Variants in LONRF2 observed in about 807,000 individuals in gnomAD.
LONRF2 encodes the protein LON peptidase N-terminal domain and ring finger 2.
In LONRF2, 35 loss-of-function variants were observed where a neutral mutation model predicts 66.6. The observed-to-expected ratio is 0.53, with a 90% CI of 0.40 to 0.70. LONRF2 has a LOEUF of 0.70. Among genes scored for constraint, LONRF2 ranks in the 30% least tolerant of loss-of-function variants. LONRF2 has a pLI of 0.00. For synonymous variants in LONRF2, 417 were observed against 418.1 expected (o/e 1.00, Z 0.03); for missense variants, 902 against 1,002.1 (o/e 0.90, Z 1.35).
At chr2:100,308,687 G>A (rs1206907094) in intron 2 of LONRF2, among the ~76,000 whole-genome samples, 5 of 152,156 alleles carry the variant, frequency 3.3e-5, no homozygotes, top group Non-Finnish European at 7.4e-5. Flanking sequence ...TACACAAAAT[G>A]TTAACTCTTT....
At chr2:100,293,862 G>A (rs915264977) in intron 9 of LONRF2, among the ~76,000 whole-genome samples, 4 of 152,270 alleles carry the variant, frequency 2.6e-5, no homozygotes, top group African/African-American at 7.2e-5. Context: ...TTACAAGCGT[G>A]AGCCACCAAG....
Position 100,300,958 on chromosome 2 carries a change from C to A in LONRF2, c.922-171G>T, listed in dbSNP as rs187601806. On this transcript the variant is annotated intron_variant, in intron 3 of 11. Coordinates refer to ENST00000393437, the MANE Select transcript of LONRF2 (RefSeq NM_198461.4). The stretch of plus-strand genomic sequence containing the variant: ...ATCCAAACATTTTTGAAACCAGAGT[C>A]AATATTTTAAGTTATTTTAGCTTCC... 1.3e-3 allele frequency among the ~76,000 whole-genome samples: 191 copies of A among 152,226 alleles called. 1 individual carries two copies. The highest frequency in any genetic ancestry group is 4.5e-3 in the African/African-American group (186 of 41,544).
At position 100,321,673 on chromosome 2, in the gene LONRF2, GC is replaced by G; in HGVS notation, c.420del (p.Leu141SerfsTer14). On this transcript the variant is annotated frameshift_variant, in exon 1 of 12. Transcript: ENST00000393437. LOFTEE classifies it high-confidence loss of function. ...AGCCGCCGGCAGCGCGGGCAGCCGA[GC>G]AGGTCGCGGGGCGCGCGGGGCTCCG... is the stretch of plus-strand genomic sequence containing the variant. Reference protein sequence around the residue: ...PAPEPRAPRDLLGCPRCRRLL... With the variant: ...PAPEPRAPRDXLGCPRCRRLL... 1.5e-6 allele frequency: 2 copies of G among 1,330,370 alleles called. No individual in the cohort carries two copies. The highest frequency in any genetic ancestry group is 1.9e-5 in the South Asian group (1 of 52,804). 82.4% of individuals were successfully genotyped at this position (1,330,370 alleles called of 1,614,324 possible). A position where few individuals can be genotyped will look rare whatever the true frequency, so the allele number is the denominator to read the frequency against.
chr2:100,302,305 T>C (rs1205197201), intron 3 of LONRF2, among the ~76,000 whole-genome samples: 1 of 152,246 alleles, frequency 6.6e-6, no homozygotes, highest in African/African-American at 2.4e-5. Flanking sequence ...TCATTTTCTG[T>C]TGCTCCAGAA....
chr2:100,316,052 G>A (rs1675499009), intron 1 of LONRF2, among the ~76,000 whole-genome samples: 1 of 152,016 alleles, frequency 6.6e-6, no homozygotes, highest in African/African-American at 2.4e-5. Context: ...CGGGTGCGGT[G>A]GCTCACACCT....
At chr2:100,292,730 T>TA (rs1674986669) in intron 9 of LONRF2, among the ~76,000 whole-genome samples, 1 of 152,220 alleles carries the variant, frequency 6.6e-6, no homozygotes, top group African/African-American at 2.4e-5. Context: ...GCACCTTGTA[T>TA]AAAAAATCTT....
At chr2:100,287,142 A>G (rs1360259789) in intron 10 of LONRF2, 79 bp from the exon 11 acceptor site, 114 of 1,329,814 alleles carry the variant, frequency 8.6e-5, no homozygotes, top group Non-Finnish European at 1.1e-4. Context: ...CTGCACCTCC[A>G]CTAAGTGGAT....
intron 11 of LONRF2, among the ~76,000 whole-genome samples, 195 bp from the exon 12 acceptor site, chr2:100,284,687 C>T (rs867051474): frequency 1.2e-4 from 19 of 152,354 alleles, no homozygotes; most frequent in African/African-American, 4.3e-4. Flanking sequence ...GGTGGGGGAA[C>T]TCACAAAAGG....
chr2:100,288,308 G>A (rs1156750690), intron 10 of LONRF2, among the ~76,000 whole-genome samples: 1 of 152,194 alleles, frequency 6.6e-6, no homozygotes, highest in Admixed American at 6.5e-5. Context: ...AGTGTCCTGG[G>A]TGTGACTCCA....
intron 1 of LONRF2, among the ~76,000 whole-genome samples, chr2:100,317,949 C>T (rs1215049714): frequency 6.6e-6 from 1 of 152,162 alleles, no homozygotes; most frequent in African/African-American, 2.4e-5. Context: ...TTTGTGTGTG[C>T]ACTTGTGTCC....
chr2:100,296,711 T>A (rs1318355461), intron 7 of LONRF2, among the ~76,000 whole-genome samples: 1 of 152,184 alleles, frequency 6.6e-6, no homozygotes, highest in Non-Finnish European at 1.5e-5. Context: ...ATCATCTCAC[T>A]CACAAAACTG....
At chr2:100,304,389 G>A (rs1295307767) in intron 2 of LONRF2, among the ~76,000 whole-genome samples, 1 of 151,772 alleles carries the variant, frequency 6.6e-6, no homozygotes, top group Non-Finnish European at 1.5e-5. Flanking sequence ...TGATCCTCCT[G>A]CCTCAGCCTC....
rs115681175 is a variant in LONRF2, at chr2:100,299,759, C to T, written c.1225G>A (p.Asp409Asn). 1 of 1,614,100 alleles carries T rather than the reference C, an allele frequency of 6.2e-7. No individual in the cohort carries two copies. The highest frequency in any genetic ancestry group is 1.3e-5 in the African/African-American group (1 of 75,016). Residue 409 changes from aspartate (D) to asparagine (N), a missense_variant, in exon 5 of 12, where the codon GAT (aspartate) becomes AAT (asparagine). Physicochemically the swap from Asp to Asn is conservative, Grantham distance 23. Coordinates refer to ENST00000393437, the MANE Select transcript of LONRF2 (RefSeq NM_198461.4). ...CCAGGGGCGTTCAGGTCAGGTGCAT[C>T]CTCCACGTCATCCGGAAACTGTCTC... ...LKRQFPDDVE[D>N]APDLNAPGKI...
chr2:100,301,111 A>C (rs1675177228), intron 3 of LONRF2, among the ~76,000 whole-genome samples: 1 of 152,206 alleles, frequency 6.6e-6, no homozygotes, highest in Non-Finnish European at 1.5e-5. Context: ...GGGAGTGTAA[A>C]GGTTGCTGGG....
rs868082333 is a variant in LONRF2 at position 100,308,095 on chromosome 2, C to T, written c.798+1012G>A. Among the ~76,000 whole-genome samples, 10 of 152,180 alleles carry T rather than the reference C, an allele frequency of 6.6e-5. No individual in the cohort carries two copies. In the South Asian group the frequency reaches 1.0e-3, roughly 16 times the overall value. On this transcript the variant is annotated intron_variant, in intron 2 of 11. Coordinates refer to ENST00000393437, the MANE Select transcript of LONRF2 (RefSeq NM_198461.4). ...TTTAAAAGATGGGAGGGAGGCCGGG[C>T]GTGGTGGCTCACGCCTGTAATCCCA...
Position 100,299,697 on chromosome 2 carries a change from G to A in LONRF2, c.1267+20C>T. 6.2e-7 allele frequency: 1 copy of A among 1,605,486 alleles called. No homozygotes were observed. The highest frequency in any genetic ancestry group is 8.5e-7 in the Non-Finnish European group (1 of 1,172,736). On this transcript the variant is annotated intron_variant, in intron 5 of 11. Transcript: ENST00000393437. Reference sequence around the variant, plus strand: ...TCACTTTGGAGTCACAGAACTGCCTGATGAAAACAGTTCACTGACCTTTCT... The same window carrying A: ...TCACTTTGGAGTCACAGAACTGCCTAATGAAAACAGTTCACTGACCTTTCT...
chr2:100,305,668 G>C (rs1431719091), intron 2 of LONRF2, among the ~76,000 whole-genome samples: 1 of 152,142 alleles, frequency 6.6e-6, no homozygotes, highest in Admixed American at 6.6e-5. Context: ...GAGTACTTTA[G>C]ACAACAAATC....
In LONRF2 at chr2:100,303,152, A is replaced by G. The variant is rs576174564; in HGVS notation, c.799-109T>C. The G allele has an allele frequency of 4.4e-6, 5 of 1,135,776 alleles. No individual in the cohort carries two copies. The African/African-American group carries it at 4.7e-5, about 11-fold the overall frequency. The allele number at this position is 1,135,776 out of a possible 1,614,324, so 70.4% of individuals were successfully genotyped here. A position where few individuals can be genotyped will look rare whatever the true frequency, so the allele number is the denominator to read the frequency against. Reference sequence around the variant, plus strand: ...TTAGAACAATTTGTTTTAATTTCACATTACATAGAATAAACAAAGCCCATC... The same window carrying G: ...TTAGAACAATTTGTTTTAATTTCACGTTACATAGAATAAACAAAGCCCATC... On this transcript the variant is annotated intron_variant, in intron 2 of 11. Coordinates refer to ENST00000393437, the MANE Select transcript of LONRF2 (RefSeq NM_198461.4).
intron 1 of LONRF2, among the ~76,000 whole-genome samples, chr2:100,314,530 A>G (rs1448371126): frequency 6.6e-6 from 1 of 152,140 alleles, no homozygotes; most frequent in Non-Finnish European, 1.5e-5. Context: ...TAGAGGTCTC[A>G]GTAAGATATT....
Sources: allele counts gnomAD v4.1 joint callset (sites outside exome capture counted in the v4.1 genomes callset), GRCh38; gene constraint gnomAD v4.1.1; transcripts MANE v1.5; gene names NCBI Gene and HGNC (gene_info 2026-07-23, HGNC 2026-07-21).